PSMA1: variants seen among roughly 807,000 people sequenced by gnomAD.
PSMA1 encodes proteasome 20S subunit alpha 1.
PSMA1 carries 3 observed loss-of-function variants against 38.4 expected under a neutral mutation model. That is an observed-to-expected ratio of 0.08 (90% CI 0.04 to 0.20). The LOEUF is 0.20. Ranked by LOEUF, PSMA1 falls within the 10% of genes least tolerant of loss-of-function variation. The pLI, the probability that PSMA1 is intolerant of heterozygous loss-of-function variation, is 1.00. For missense variants in PSMA1, 227 were observed against 325.3 expected (o/e 0.70, Z 2.32); for synonymous variants, 101 against 107.1 (o/e 0.94, Z 0.35).
chr11:14,555,711 C>A (rs1156517619), intron 2 of PSMA1, among the ~76,000 whole-genome samples: 1 of 152,046 alleles, frequency 6.6e-6, no homozygotes, highest in African/African-American at 2.4e-5. Flanking sequence ...CTTCTACCAC[C>A]CTCTCCAACA....
chr11:14,580,476 C>T (rs1852270920), intron 2 of PSMA1, among the ~76,000 whole-genome samples: 1 of 152,154 alleles, frequency 6.6e-6, no homozygotes, highest in South Asian at 2.1e-4. Context: ...TGGCATCTGC[C>T]TCTGCTGTGA....
intron 8 of PSMA1, among the ~76,000 whole-genome samples, chr11:14,510,432 C>G (rs911900372): frequency 3.3e-5 from 5 of 152,068 alleles, no homozygotes; most frequent in Non-Finnish European, 5.9e-5. Flanking sequence ...TTATTTTTTA[C>G]ATAGCATTTA....
At chr11:14,587,215 A>G (rs1412331753) in intron 2 of PSMA1, among the ~76,000 whole-genome samples, 2 of 152,112 alleles carry the variant, frequency 1.3e-5, no homozygotes, top group East Asian at 3.9e-4. Flanking sequence ...CATTCTTGAT[A>G]GGTTAAAGCA....
rs1485484735 is a variant in PSMA1 at position 14,568,795 on chromosome 11, T to C, written c.21+42171A>G. Among the ~76,000 whole-genome samples the C allele has an allele frequency of 2.0e-5, 3 of 152,236 alleles. No individual in the cohort carries two copies. In the East Asian group the frequency reaches 5.8e-4, roughly 29 times the overall value. ...TGGCTGACTCTGCTTTGGAAAGGCTTTCTGGAGTCCTTTGTATAAGACTTT... is the reference window on the plus strand; with the variant it reads ...TGGCTGACTCTGCTTTGGAAAGGCTCTCTGGAGTCCTTTGTATAAGACTTT... On this transcript the variant is annotated intron_variant, in intron 2 of 10. Coordinates refer to the PSMA1 transcript ENST00000418988.
chr11:14,634,052 G>A lies in PSMA1; in HGVS notation c.-166+9403C>T, dbSNP rs573432446. On this transcript the variant is annotated intron_variant, in intron 1 of 10. Transcript: ENST00000418988. Reference sequence around the variant, plus strand: ...CGCCCACTGTCTGGCACTCCCTAGTGAGATGAACCTGGTACCTCAGATGGA... The same window carrying A: ...CGCCCACTGTCTGGCACTCCCTAGTAAGATGAACCTGGTACCTCAGATGGA... 3.6e-3 allele frequency among the ~76,000 whole-genome samples: 550 copies of A among 152,280 alleles called. 3 individuals carry two copies. The highest frequency in any genetic ancestry group is 5.1e-3 in the Non-Finnish European group (346 of 68,026).
chr11:14,511,422 C>T (rs1016864099), intron 7 of PSMA1, among the ~76,000 whole-genome samples: 3 of 151,974 alleles, frequency 2.0e-5, no homozygotes, highest in African/African-American at 7.3e-5. Flanking sequence ...TCAACAAAAA[C>T]TACAAACGGA....
intron 2 of PSMA1, among the ~76,000 whole-genome samples, chr11:14,580,685 A>G (rs1227535718): frequency 1.3e-5 from 2 of 152,364 alleles, no homozygotes; most frequent in African/African-American, 4.8e-5. Context: ...TCTGAAATAC[A>G]TACTTGGTTT....
chr11:14,506,453 T>C (rs1312579363), intron 9 of PSMA1, among the ~76,000 whole-genome samples: 1 of 152,086 alleles, frequency 6.6e-6, no homozygotes, highest in Admixed American at 6.6e-5. Context: ...ACCAACAATA[T>C]CCTTTCCAAG....
At chr11:14,597,788 T>G (rs545339855) in intron 2 of PSMA1, among the ~76,000 whole-genome samples, 19 of 152,336 alleles carry the variant, frequency 1.2e-4, no homozygotes, top group African/African-American at 4.3e-4. Context: ...TGCCTTCTGC[T>G]AGCTTTTGAA....
At chr11:14,550,990 T>C (rs572329494) in intron 2 of PSMA1, among the ~76,000 whole-genome samples, 1 of 152,272 alleles carries the variant, frequency 6.6e-6, no homozygotes, top group Admixed American at 6.5e-5. Flanking sequence ...TATTGATATA[T>C]CTAAAGTTTA....
chr11:14,584,404 A>G (rs189004947), intron 2 of PSMA1, among the ~76,000 whole-genome samples: 67 of 152,290 alleles, frequency 4.4e-4, no homozygotes, highest in Non-Finnish European at 1.2e-4. Flanking sequence ...TTTAAGTGGA[A>G]GATACCACAT....
At chr11:14,588,994 C>A (rs986964564) in intron 2 of PSMA1, among the ~76,000 whole-genome samples, 2 of 152,160 alleles carry the variant, frequency 1.3e-5, no homozygotes, top group Non-Finnish European at 2.9e-5. Flanking sequence ...CTTCCTTTTA[C>A]TTACCCTCCT....
At chr11:14,617,530 T>A (rs993080613) in intron 1 of PSMA1, among the ~76,000 whole-genome samples, 2 of 152,134 alleles carry the variant, frequency 1.3e-5, no homozygotes, top group African/African-American at 2.4e-5. Context: ...TTCTCTCTAA[T>A]TCTGAGAGAA....
chr11:14,555,318 T>C (rs1354439808), intron 2 of PSMA1, among the ~76,000 whole-genome samples: 1 of 152,264 alleles, frequency 6.6e-6, no homozygotes, highest in Admixed American at 6.5e-5. Flanking sequence ...GTGTACTGGA[T>C]GATGTGCATT....
intron 2 of PSMA1, among the ~76,000 whole-genome samples, chr11:14,592,955 A>T (rs758460450): frequency 7.9e-5 from 12 of 152,136 alleles, no homozygotes; most frequent in Non-Finnish European, 1.6e-4. Flanking sequence ...ACTTGTCATT[A>T]TCTGAAATTA....
chr11:14,590,862 C>T (rs1277969967), intron 2 of PSMA1, among the ~76,000 whole-genome samples: 4 of 152,238 alleles, frequency 2.6e-5, no homozygotes, highest in East Asian at 1.9e-4. Context: ...TTACCTCAAA[C>T]GACTTTATAT....
At chr11:14,612,804 T>G (rs1852725572) in intron 1 of PSMA1, among the ~76,000 whole-genome samples, 1 of 152,318 alleles carries the variant, frequency 6.6e-6, no homozygotes, top group Middle Eastern at 3.4e-3. Context: ...TGACTGGGCC[T>G]GGTCATAATT....
intron 2 of PSMA1, among the ~76,000 whole-genome samples, chr11:14,527,331 C>T (rs536702164): frequency 2.3e-4 from 35 of 152,310 alleles, no homozygotes; most frequent in South Asian, 8.3e-4. Flanking sequence ...AATCTCTTCC[C>T]AAACAAGGCA....
At chr11:14,613,233 A>T (rs771583716) in intron 1 of PSMA1, among the ~76,000 whole-genome samples, 5 of 148,290 alleles carry the variant, frequency 3.4e-5, no homozygotes, top group Non-Finnish European at 7.5e-5. Context: ...ATTTTTTTTT[A>T]AAAATTGAGA....
Sources: allele counts gnomAD v4.1 joint callset (sites outside exome capture counted in the v4.1 genomes callset), GRCh38; gene constraint gnomAD v4.1.1; transcripts MANE v1.5; gene names NCBI Gene and HGNC (gene_info 2026-07-23, HGNC 2026-07-21).